The following KMT2C variants were observed in gnomAD, a reference collection of about 807,000 sequenced individuals.
KMT2C encodes the protein lysine methyltransferase 2C.
KMT2C carries 88 observed loss-of-function variants against 507.9 expected under a neutral mutation model. The ratio of observed to expected loss-of-function variants is 0.17; its 90% CI spans 0.15 to 0.21. The LOEUF is 0.21. Among genes scored for constraint, KMT2C ranks in the 10% least tolerant of loss-of-function variants. KMT2C has a pLI of 1.00. For missense variants in KMT2C, 4,954 were observed against 5,957.8 expected (o/e 0.83, Z 5.55); for synonymous variants, 2,049 against 2,080.8 (o/e 0.98, Z 0.42).
rs775094094 is a variant in KMT2C, at chr7:152,148,268, G to A, written c.13659C>T (p.Leu4553=). Residue 4553 remains leucine, a synonymous_variant, in exon 52 of 59, where the codon CTC becomes CTT. Coordinates refer to ENST00000262189, the MANE Select transcript of KMT2C (RefSeq NM_170606.3). This position sits in a 1 kb window ranked among gnomAD's most constrained non-coding sequence, Gnocchi z 7.1. ...GCAGCTGACCAATTGTGTGGAAGAT[G>A]AGGCTACCCACGCGAAAGGTATGGT... ...ERDHTFRVGS[L]IFHTIGQLLP... is the part of the protein sequence containing the mutation. The A allele has an allele frequency of 2.5e-6, 4 of 1,614,264 alleles. No individual in the cohort carries two copies. In the South Asian group the frequency reaches 3.3e-5, roughly 13 times the overall value.
chr7:152,277,296 G>A lies in KMT2C; in HGVS notation c.850-3429C>T, dbSNP rs1283778106. 5.9e-5 allele frequency among the ~76,000 whole-genome samples: 9 copies of A among 152,036 alleles called. No homozygotes were observed. In the South Asian group the frequency reaches 6.2e-4, roughly 11 times the overall value. On this transcript the variant is annotated intron_variant, in intron 6 of 58. Transcript: ENST00000262189. Reference sequence around the variant, plus strand: ...TATTAGGCAACTAGGATTCTCCCAGGATGCAGTAATAAAGAACAAAGATGG... The same window carrying A: ...TATTAGGCAACTAGGATTCTCCCAGAATGCAGTAATAAAGAACAAAGATGG...
Position 152,158,002 on chromosome 7 carries a change from C to A in KMT2C, c.11670+861G>T. The stretch of plus-strand genomic sequence containing the variant: ...TAGCTCAACTTTCTAAGACCCGAAG[C>A]AACTTTGTTGAATAAGGCTTCAGAA... On this transcript the variant is annotated intron_variant, in intron 44 of 58. Coordinates refer to ENST00000262189, the MANE Select transcript of KMT2C (RefSeq NM_170606.3). 4 of 1,059,574 alleles carry A rather than the reference C, an allele frequency of 3.8e-6. No homozygotes were observed. In the South Asian group the frequency reaches 5.8e-5, roughly 15 times the overall value. 65.6% of individuals were successfully genotyped at this position (1,059,574 alleles called of 1,614,324 possible).
intron 46 of KMT2C, chr7:152,155,063 G>C (rs1315997875): frequency 6.6e-6 from 1 of 152,180 alleles, no homozygotes; most frequent in Non-Finnish European, 1.5e-5. Context: ...TCAAGTTTGA[G>C]TCTACCAGGC....
intron 24 of KMT2C, 84 bp from the exon 25 acceptor site, chr7:152,205,309 G>T: frequency 2.4e-6 from 2 of 827,906 alleles, no homozygotes; most frequent in Non-Finnish European, 3.4e-6. Flanking sequence ...GCTTTATCTT[G>T]AATAGTAAGT....
intron 6 of KMT2C, among the ~76,000 whole-genome samples, chr7:152,282,020 G>A (rs1268156973): frequency 1.3e-5 from 2 of 152,006 alleles, no homozygotes; most frequent in Non-Finnish European, 2.9e-5. Flanking sequence ...GGACAGGCAC[G>A]GTGGCTCGTG....
intron 38 of KMT2C, among the ~76,000 whole-genome samples, chr7:152,175,270 C>T (rs951762905): frequency 5.9e-5 from 9 of 151,914 alleles, no homozygotes; most frequent in African/African-American, 2.2e-4. Context: ...CTCTGTCTCC[C>T]GAATAACTGG....
intron 51 of KMT2C, among the ~76,000 whole-genome samples, chr7:152,149,782 G>A (rs904692861): frequency 2.0e-5 from 3 of 152,154 alleles, no homozygotes; most frequent in African/African-American, 4.8e-5. Context: ...TTATGGTACA[G>A]AGTATCATAA....
chr7:152,146,427 C>T (rs532907487), intron 53 of KMT2C, among the ~76,000 whole-genome samples, 172 bp downstream of exon 53: 12 of 152,316 alleles, frequency 7.9e-5, no homozygotes, highest in Admixed American at 2.6e-4. Context: ...AATACCAACA[C>T]GGCTGAGCTC....
chr7:152,398,977 C>T (rs2097554598), intron 1 of KMT2C, among the ~76,000 whole-genome samples: 1 of 151,512 alleles, frequency 6.6e-6, no homozygotes, highest in Non-Finnish European at 1.5e-5. Context: ...CAGGTTCGCA[C>T]CACCAAGCCC....
chr7:152,427,894 A>G (rs887647286), intron 1 of KMT2C, among the ~76,000 whole-genome samples: 4 of 152,280 alleles, frequency 2.6e-5, no homozygotes, highest in Admixed American at 2.0e-4. Context: ...CCTCCTTTGC[A>G]GTGACTGGAA....
At chr7:152,419,351 CA>C (rs926910846) in intron 1 of KMT2C, among the ~76,000 whole-genome samples, 9 of 143,220 alleles carry the variant, frequency 6.3e-5, no homozygotes, top group African/African-American at 1.0e-4. Context: ...ACTCTGTCTC[CA>C]AAAAAAAAAG....
intron 1 of KMT2C, among the ~76,000 whole-genome samples, chr7:152,360,392 C>T (rs188276343): frequency 1.4e-3 from 212 of 151,624 alleles, no homozygotes; most frequent in Middle Eastern, 6.9e-3. Context: ...GCAGGAGAAT[C>T]GCTTGAACCC....
At chr7:152,250,388 CT>C (rs2095545009) in intron 12 of KMT2C, among the ~76,000 whole-genome samples, 1 of 152,132 alleles carries the variant, frequency 6.6e-6, no homozygotes, top group African/African-American at 2.4e-5. Context: ...CCAACATGGT[CT>C]CTTATTAATT....
chr7:152,169,856 A>T (rs916118570), intron 40 of KMT2C, among the ~76,000 whole-genome samples: 2 of 152,206 alleles, frequency 1.3e-5, no homozygotes, highest in East Asian at 1.9e-4. Context: ...AAAAAATAAA[A>T]AAAATAAATA....
At chr7:152,290,039 TCAAAACAAA>T (rs1359632502) in intron 6 of KMT2C, among the ~76,000 whole-genome samples, 38 of 150,690 alleles carry the variant, frequency 2.5e-4, no homozygotes, top group African/African-American at 8.3e-4. Context: ...AGATTCTGTC[TCAAAACAAA>T]CAAAACAAAA....
intron 1 of KMT2C, among the ~76,000 whole-genome samples, chr7:152,365,301 G>C (rs1201903090): frequency 6.6e-6 from 1 of 152,130 alleles, no homozygotes; most frequent in South Asian, 2.1e-4. Context: ...ACCTGAGGTC[G>C]AGTTCGAGAC....
chr7:152,347,800 T>C (rs2097074148), intron 2 of KMT2C, among the ~76,000 whole-genome samples: 1 of 152,208 alleles, frequency 6.6e-6, no homozygotes, highest in African/African-American at 2.4e-5. Flanking sequence ...GCATACCTTT[T>C]TCTTAATTTT....
chr7:152,427,631 A>G (rs1375541532), intron 1 of KMT2C, among the ~76,000 whole-genome samples: 1 of 152,158 alleles, frequency 6.6e-6, no homozygotes, highest in Non-Finnish European at 1.5e-5. Flanking sequence ...TCCATTTGTC[A>G]TGAGAATATA....
intron 45 of KMT2C, 66 bp downstream of exon 45, chr7:152,156,139 T>C: frequency 6.2e-7 from 1 of 1,602,436 alleles, no homozygotes; most frequent in Non-Finnish European, 8.5e-7. Context: ...CTATTGCCAT[T>C]TCACAATACA....
Sources: gnomAD v4.1 joint callset for allele counts (sites outside exome capture counted in the v4.1 genomes callset) on GRCh38, gnomAD v4.1.1 for gene constraint, Gnocchi (gnomAD v3.1) non-coding constraint, MANE v1.5 for transcripts, NCBI Gene and HGNC (gene_info 2026-07-23, HGNC 2026-07-21) for gene names.